CUTC: variants seen among roughly 807,000 people sequenced by gnomAD.
CUTC encodes cutC copper transporter.
Under a neutral mutation model 36.2 loss-of-function variants are expected in CUTC, and 27 were observed. The observed-to-expected ratio is 0.75, with a 90% CI of 0.55 to 1.03. The LOEUF is 1.03. CUTC is among the 50% of genes least tolerant of loss of function. The pLI is 0.00. For missense variants in CUTC, 315 were observed against 343.5 expected (o/e 0.92, Z 0.66); for synonymous variants, 114 against 118.3 (o/e 0.96, Z 0.24).
intron 5 of CUTC, among the ~76,000 whole-genome samples, chr10:99,745,312 A>G (rs1248791678): frequency 6.6e-6 from 1 of 152,194 alleles, no homozygotes; most frequent in Non-Finnish European, 1.5e-5. Flanking sequence ...ATATCATAAT[A>G]TAGTTTTAGT....
intron 2 of CUTC, among the ~76,000 whole-genome samples, chr10:99,738,456 T>C (rs1382134225): frequency 6.7e-6 from 1 of 149,116 alleles, no homozygotes; most frequent in African/African-American, 2.5e-5. Context: ...AGCCAAACAT[T>C]TCATTTGTTT....
At chr10:99,755,538 A>G in intron 8 of CUTC, 87 bp from the exon 9 acceptor site, 1 of 788,092 alleles carries the variant, frequency 1.3e-6, no homozygotes. Flanking sequence ...CTACCCTTGT[A>G]TCATGAAATA....
rs528555247 is a variant in CUTC at position 99,736,840 on chromosome 10, T to C, written c.133+523T>C. ...ATGCATCACTCATCTTCACCCATTT[T>C]CAACACATGGCCAGTTTTTCATTTA... On this transcript the variant is annotated intron_variant, in intron 2 of 8. Transcript: ENST00000370476. 2.0e-5 allele frequency among the ~76,000 whole-genome samples: 3 copies of C among 152,362 alleles called. No individual in the cohort carries two copies. In the South Asian group the frequency reaches 6.2e-4, roughly 32 times the overall value.
chr10:99,737,905 T>C (rs571293078), intron 2 of CUTC, among the ~76,000 whole-genome samples: 1 of 152,198 alleles, frequency 6.6e-6, no homozygotes, highest in South Asian at 2.1e-4. Flanking sequence ...TCCCAGCACT[T>C]TGGGAGGCCG....
At chr10:99,743,060 C>G (rs945844834) in intron 3 of CUTC, 93 bp from the exon 4 acceptor site, 1 of 1,240,618 alleles carries the variant, frequency 8.1e-7, no homozygotes, top group Admixed American at 1.8e-5. Flanking sequence ...TCTGTCCTAC[C>G]TTTTAGAGCC....
At position 99,755,770 on chromosome 10, in the gene CUTC, A is replaced by G; in HGVS notation, c.*31A>G. 7.4e-7 allele frequency: 1 copy of G among 1,360,108 alleles called. No individual in the cohort carries two copies. Among genetic ancestry groups the G allele is most frequent in the Non-Finnish European group, 1.1e-6 (1 of 950,796 alleles). 84.3% of individuals were successfully genotyped at this position (1,360,108 alleles called of 1,614,324 possible). A position where few individuals can be genotyped will look rare whatever the true frequency, so the allele number is the denominator to read the frequency against. ...CCTCTCTGAGAGACATGGATATCAC[A>G]GGATGAAGGTAGAACTATAATCTGC... On this transcript the variant is annotated 3_prime_UTR_variant, in exon 9 of 9. Transcript: ENST00000370476.
intron 7 of CUTC, among the ~76,000 whole-genome samples, chr10:99,751,787 G>A (rs895641946): frequency 1.3e-5 from 2 of 152,228 alleles, no homozygotes; most frequent in Non-Finnish European, 2.9e-5. Flanking sequence ...GAACCAAGGA[G>A]GCGGAGGTTG....
intron 4 of CUTC, 48 bp from the exon 5 acceptor site, chr10:99,743,989 C>T (rs1388016067): frequency 2.0e-6 from 3 of 1,496,298 alleles, no homozygotes; most frequent in Non-Finnish European, 1.9e-6. Context: ...ATATAGTAAT[C>T]AGTGATGACA....
At chr10:99,746,948 T>C (rs981518811) in intron 5 of CUTC, among the ~76,000 whole-genome samples, 1 of 152,078 alleles carries the variant, frequency 6.6e-6, no homozygotes, top group African/African-American at 2.4e-5. Flanking sequence ...ATTTTTGTAT[T>C]GTAGATATGG....
rs192669325 is a variant in CUTC, at chr10:99,736,344, C to T, written c.133+27C>T. On this transcript the variant is annotated intron_variant, in intron 2 of 8. Transcript: ENST00000370476. ...TAAGAGAAATCAGATAGTGAATGAC[C>T]GTTGGCTACCCTTTTAAGAGTCTGA... 9.8e-6 allele frequency: 15 copies of T among 1,536,362 alleles called. No homozygotes were observed. The Admixed American group carries it at 1.5e-4, about 15-fold the overall frequency.
At position 99,755,858 on chromosome 10, in the gene CUTC, A is replaced by G. The variant is rs989200956; in HGVS notation, c.*119A>G. On this transcript the variant is annotated 3_prime_UTR_variant, in exon 9 of 9. Transcript: ENST00000370476. Reference sequence around the variant, plus strand: ...CAGGACAGTCGCAATCTTTGTTTTAAGTTTCACATGGCCATGGAGAATGTG... The same window carrying G: ...CAGGACAGTCGCAATCTTTGTTTTAGGTTTCACATGGCCATGGAGAATGTG... 1.6e-5 allele frequency: 10 copies of G among 634,190 alleles called. No homozygotes were observed. The African/African-American group carries it at 1.8e-4, about 12-fold the overall frequency. 39.3% of individuals were successfully genotyped at this position (634,190 alleles called of 1,614,324 possible). A position where few individuals can be genotyped will look rare whatever the true frequency, so the allele number is the denominator to read the frequency against.
At chr10:99,738,328 A>T (rs930827594) in intron 2 of CUTC, among the ~76,000 whole-genome samples, 63 of 151,924 alleles carry the variant, frequency 4.1e-4, no homozygotes, top group Admixed American at 4.1e-3. Context: ...CCTTTAAAAA[A>T]ATCATTTCTT....
chr10:99,740,551 A>G (rs568541676), intron 3 of CUTC, among the ~76,000 whole-genome samples: 1 of 151,618 alleles, frequency 6.6e-6, no homozygotes, highest in Non-Finnish European at 1.5e-5. Context: ...TTTTCTACCT[A>G]CTTTTAAGAT....
At position 99,755,838 on chromosome 10, in the gene CUTC, C is replaced by G; in HGVS notation, c.*99C>G. The G allele has an allele frequency of 4.2e-6, 3 of 717,430 alleles. No homozygotes were observed. Among genetic ancestry groups the G allele is most frequent in the East Asian group, 2.6e-5 (1 of 37,754 alleles). The allele number at this position is 717,430 out of a possible 1,614,324, so 44.4% of individuals were successfully genotyped here. A position where few individuals can be genotyped will look rare whatever the true frequency, so the allele number is the denominator to read the frequency against. ...CTTTAACCTTCTTCTCTGGCCAGGA[C>G]AGTCGCAATCTTTGTTTTAAGTTTC... On this transcript the variant is annotated 3_prime_UTR_variant, in exon 9 of 9. Transcript: ENST00000370476.
intron 7 of CUTC, among the ~76,000 whole-genome samples, chr10:99,752,197 A>G (rs1489097382): frequency 6.6e-6 from 1 of 152,134 alleles, no homozygotes; most frequent in East Asian, 1.9e-4. Context: ...CCTGGGCAAT[A>G]TAGTAAGACA....
Position 99,736,282 on chromosome 10 carries a change from A to G in CUTC, c.98A>G (p.Asp33Gly), listed in dbSNP as rs1248806076. 1.2e-6 allele frequency: 2 copies of G among 1,613,928 alleles called. No homozygotes were observed. Among genetic ancestry groups the G allele is most frequent in the Admixed American group, 1.7e-5 (1 of 60,020 alleles). The change falls in exon 2 of 9, where the codon GAT (aspartate) becomes GGT (glycine). Residue 33 changes from aspartate to glycine, a missense_variant. By Grantham distance (94) the Asp-to-Gly change is moderately conservative. Transcript: ENST00000370476. Reference sequence around the variant, plus strand: ...GGATTTCTCATGGAAGTTTGTGTTGATTCAGTGGAATCAGCTGTGAATGCA... The same window carrying G: ...GGATTTCTCATGGAAGTTTGTGTTGGTTCAGTGGAATCAGCTGTGAATGCA... Reference protein sequence around the residue: ...ANGFLMEVCVDSVESAVNAER... With the variant: ...ANGFLMEVCVGSVESAVNAER...
chr10:99,743,454 C>T (rs1056561055), intron 4 of CUTC, 92 bp downstream of exon 4: 22 of 1,163,574 alleles, frequency 1.9e-5, no homozygotes, highest in Admixed American at 5.4e-5. Context: ...ACTGACTTTG[C>T]GGTCATAGCT....
intron 8 of CUTC, among the ~76,000 whole-genome samples, 168 bp downstream of exon 8, chr10:99,754,802 G>T (rs180942802): frequency 6.6e-6 from 1 of 152,306 alleles, no homozygotes; most frequent in East Asian, 1.9e-4. Context: ...AATGGTTCTT[G>T]TCCTGTCTTA....
chr10:99,732,286 T>C lies in CUTC; in HGVS notation c.-63T>C, dbSNP rs1186099790. 2 of 1,547,754 alleles carry C rather than the reference T, an allele frequency of 1.3e-6. No homozygotes were observed. The highest frequency in any genetic ancestry group is 2.7e-5 in the African/African-American group (2 of 73,050). ...AGCTGTTGACGCGCTTCTTAGCTGG[T>C]GCGCGCCGGAGCCCAAATTCCAAGT... is the stretch of plus-strand genomic sequence containing the variant. On this transcript the variant is annotated 5_prime_UTR_variant, in exon 1 of 9. Transcript: ENST00000370476.
Sources: allele counts gnomAD v4.1 joint callset (sites outside exome capture counted in the v4.1 genomes callset), GRCh38; gene constraint gnomAD v4.1.1; transcripts MANE v1.5; gene names NCBI Gene and HGNC (gene_info 2026-07-23, HGNC 2026-07-21).